WSCD2: variants seen among roughly 807,000 people sequenced by gnomAD.
The protein encoded by WSCD2 is WSC domain sialate O sulfotransferase 2, also known as sialate:O-sulfotransferase 2.
A neutral mutation model predicts 55.7 loss-of-function variants in WSCD2; 28 were observed. That is an observed-to-expected ratio of 0.50 (90% CI 0.37 to 0.69). The LOEUF is 0.69. WSCD2 is among the 30% of genes least tolerant of loss of function. The probability of loss-of-function intolerance (pLI) is 0.00; values close to 1 mark genes in which losing one functional copy is unlikely to be tolerated. For missense variants in WSCD2, 616 were observed against 762.1 expected (o/e 0.81, Z 2.26); for synonymous variants, 301 against 301.9 (o/e 1.00, Z 0.03).
chr12:108,175,045 G>T (rs2083804603), intron 1 of WSCD2, among the ~76,000 whole-genome samples: 1 of 152,152 alleles, frequency 6.6e-6, no homozygotes, highest in African/African-American at 2.4e-5. Context: ...AAGGGAGGGG[G>T]ACCCTGAGCC....
In WSCD2 at chr12:108,132,041, TG is replaced by T. The variant is rs59420940; in HGVS notation, c.-552+2116del. Among the ~76,000 whole-genome samples, 1,362 of 152,294 alleles carry T rather than the reference TG, an allele frequency of 8.9e-3. 23 individuals are homozygous for T. Among genetic ancestry groups the T allele is most frequent in the African/African-American group, 0.031 (1,276 of 41,554 alleles). Reference sequence around the variant, plus strand: ...GAAAGAAGTGTCTTACAGCATTGTGTGTGTGTGTGTACGCATGTGTGTGTGT... The same window carrying T: ...GAAAGAAGTGTCTTACAGCATTGTGTTGTGTGTGTACGCATGTGTGTGTGT... On this transcript the variant is annotated intron_variant, in intron 1 of 8. Coordinates refer to ENST00000547525, the MANE Select transcript of WSCD2 (RefSeq NM_014653.4).
In WSCD2 at chr12:108,248,756, C is replaced by T. The variant is rs973455470; in HGVS notation, c.*413C>T. The T allele has an allele frequency of 3.0e-6, 3 of 997,556 alleles. No individual in the cohort carries two copies. The highest frequency in any genetic ancestry group is 5.4e-5 in the Admixed American group (1 of 18,652). 61.8% of individuals were successfully genotyped at this position (997,556 alleles called of 1,614,324 possible). On this transcript the variant is annotated 3_prime_UTR_variant, in exon 9 of 9. Transcript: ENST00000547525. This position sits in a 1 kb window ranked among gnomAD's most constrained non-coding sequence, Gnocchi z 4.3. ...CAGGGGGCTATTGTAAAAACTTGGCCCCAGATGCTTGTCCCTTCTGGGCTG... is the reference window on the plus strand; with the variant it reads ...CAGGGGGCTATTGTAAAAACTTGGCTCCAGATGCTTGTCCCTTCTGGGCTG...
chr12:108,169,798 A>C (rs1296472830), intron 1 of WSCD2, among the ~76,000 whole-genome samples: 1 of 152,206 alleles, frequency 6.6e-6, no homozygotes, highest in Non-Finnish European at 1.5e-5. Flanking sequence ...GGTGAGAGGA[A>C]AGGTAGCCAA....
At position 108,197,587 on chromosome 12, in the gene WSCD2, T is replaced by C. The variant is rs1032043454; in HGVS notation, c.382+1373T>C. 7.2e-5 allele frequency among the ~76,000 whole-genome samples: 11 copies of C among 152,246 alleles called. No individual in the cohort carries two copies. The East Asian group carries it at 1.7e-3, about 24-fold the overall frequency. On this transcript the variant is annotated intron_variant, in intron 2 of 8. Transcript: ENST00000547525. ...TGAGAGTTCAATGAGACAAGGGTGATGAAGGCCTAGCACTGAGTAGATGCT... is the reference window on the plus strand; with the variant it reads ...TGAGAGTTCAATGAGACAAGGGTGACGAAGGCCTAGCACTGAGTAGATGCT...
At chr12:108,237,514 C>T (rs926034272) in intron 7 of WSCD2, among the ~76,000 whole-genome samples, 2 of 152,212 alleles carry the variant, frequency 1.3e-5, no homozygotes, top group African/African-American at 2.4e-5. Context: ...CCGGCAATTC[C>T]GCTCTGGCTC....
chr12:108,212,201 G>T (rs1461707641), intron 4 of WSCD2, among the ~76,000 whole-genome samples: 1 of 152,134 alleles, frequency 6.6e-6, no homozygotes, highest in Admixed American at 6.5e-5. Flanking sequence ...CTAATATTAT[G>T]AGTTTTTAAC....
chr12:108,223,084 T>G (rs1386843683), intron 4 of WSCD2, among the ~76,000 whole-genome samples: 1 of 152,240 alleles, frequency 6.6e-6, no homozygotes, highest in Non-Finnish European at 1.5e-5. Context: ...AGGTTTGCTT[T>G]TAAGTCCCTC....
At chr12:108,141,833 A>G (rs73199506) in intron 1 of WSCD2, among the ~76,000 whole-genome samples, 8,109 of 152,216 alleles carry the variant, frequency 0.053, 264 homozygotes, top group Non-Finnish European at 0.075. Flanking sequence ...AAACCTTGTA[A>G]AGAGTTTAAG....
chr12:108,211,820 ATT>A lies in WSCD2; in HGVS notation c.682+1530_682+1531del, dbSNP rs59190207. On this transcript the variant is annotated intron_variant, in intron 4 of 8. Coordinates refer to ENST00000547525, the MANE Select transcript of WSCD2 (RefSeq NM_014653.4). The stretch of plus-strand genomic sequence containing the variant: ...AGTTTCCCGCCACCATGCCTGGCTA[ATT>A]TTTTTTTTTTTTTTGTATTTTTAGT... 2.9e-3 allele frequency among the ~76,000 whole-genome samples: 386 copies of A among 134,592 alleles called. 2 individuals carry two copies. The highest frequency in any genetic ancestry group is 7.5e-3 in the Middle Eastern group (2 of 268). The allele number at this position is 134,592 out of a possible 152,430, so 88.3% of individuals were successfully genotyped here. A position where few individuals can be genotyped will look rare whatever the true frequency, so the allele number is the denominator to read the frequency against.
chr12:108,169,481 C>T (rs960685094), intron 1 of WSCD2, among the ~76,000 whole-genome samples: 5 of 152,056 alleles, frequency 3.3e-5, no homozygotes, highest in Non-Finnish European at 5.9e-5. Context: ...TTGACAGAAA[C>T]GTCAAGTTTG....
intron 1 of WSCD2, among the ~76,000 whole-genome samples, chr12:108,155,754 A>G (rs546098937): frequency 1.4e-4 from 21 of 152,370 alleles, no homozygotes; most frequent in African/African-American, 5.0e-4. Flanking sequence ...TAATCTATGC[A>G]AAGAGCACAG....
Position 108,216,258 on chromosome 12 carries a change from A to T in WSCD2, c.682+5953A>T, listed in dbSNP as rs572173780. 2.0e-5 allele frequency among the ~76,000 whole-genome samples: 3 copies of T among 152,368 alleles called. No individual in the cohort carries two copies. In the South Asian group the frequency reaches 6.2e-4, roughly 32 times the overall value. The stretch of plus-strand genomic sequence containing the variant: ...GTTTCAGGGTCTCTGCCTACAAAAT[A>T]GGATAATAATATTGTTCACCTCATA... On this transcript the variant is annotated intron_variant, in intron 4 of 8. Coordinates refer to ENST00000547525, the MANE Select transcript of WSCD2 (RefSeq NM_014653.4).
chr12:108,153,088 G>A (rs1020972314), intron 1 of WSCD2, among the ~76,000 whole-genome samples: 1 of 129,086 alleles, frequency 7.7e-6, no homozygotes, highest in Admixed American at 8.2e-5. Context: ...GGGTGACAGA[G>A]TGAGACTCTG....
At chr12:108,149,983 G>A (rs1238436075) in intron 1 of WSCD2, 1 of 152,152 alleles carries the variant, frequency 6.6e-6, no homozygotes, top group Non-Finnish European at 1.5e-5. Context: ...GACTTTGGAT[G>A]CTTGGCCCAA....
intron 1 of WSCD2, among the ~76,000 whole-genome samples, chr12:108,160,505 G>A (rs1768864434): frequency 6.6e-6 from 1 of 152,102 alleles, no homozygotes; most frequent in Admixed American, 6.5e-5. Context: ...ATCTTACATG[G>A]CCAAAGCAGG....
chr12:108,213,731 G>T lies in WSCD2; in HGVS notation c.682+3426G>T, dbSNP rs534035743. On this transcript the variant is annotated intron_variant, in intron 4 of 8. Coordinates refer to ENST00000547525, the MANE Select transcript of WSCD2 (RefSeq NM_014653.4). ...ATTGCAGGAAATGACTGGCAGGCAT[G>T]GTTTTTCCAAGGCTACTGTGCCTCT... Among the ~76,000 whole-genome samples the T allele has an allele frequency of 1.9e-3, 294 of 152,306 alleles. 3 individuals carry two copies. The highest frequency in any genetic ancestry group is 6.6e-3 in the African/African-American group (274 of 41,572).
At position 108,196,223 on chromosome 12, in the gene WSCD2, G is replaced by A. The variant is rs773251439; in HGVS notation, c.382+9G>A. The A allele has an allele frequency of 2.0e-5, 32 of 1,608,024 alleles. No individual in the cohort carries two copies. Among genetic ancestry groups the A allele is most frequent in the African/African-American group, 2.7e-5 (2 of 74,750 alleles). ...GAAGGAGGAAGAGCGAGGTAAGAGCGAGGAACATCTGGACACTGAGGGGCT... is the reference window on the plus strand; with the variant it reads ...GAAGGAGGAAGAGCGAGGTAAGAGCAAGGAACATCTGGACACTGAGGGGCT... On this transcript the variant is annotated intron_variant, in intron 2 of 8. Transcript: ENST00000547525.
chr12:108,180,309 C>A (rs928668841), intron 1 of WSCD2, among the ~76,000 whole-genome samples: 4 of 152,168 alleles, frequency 2.6e-5, no homozygotes, highest in Non-Finnish European at 4.4e-5. Flanking sequence ...ACATGCCGCC[C>A]CCCGCAGTGG....
intron 1 of WSCD2, among the ~76,000 whole-genome samples, chr12:108,153,767 C>T (rs1394609729): frequency 6.6e-6 from 1 of 152,130 alleles, no homozygotes; most frequent in African/African-American, 2.4e-5. Context: ...ACCCAGCTTC[C>T]AATATCCTGC....
Sources: gnomAD v4.1 joint callset for allele counts (sites outside exome capture counted in the v4.1 genomes callset) on GRCh38, gnomAD v4.1.1 for gene constraint, Gnocchi (gnomAD v3.1) non-coding constraint, MANE v1.5 for transcripts, NCBI Gene and HGNC (gene_info 2026-07-23, HGNC 2026-07-21) for gene names.